Variants in LUZP2 observed in about 807,000 individuals in gnomAD.
LUZP2 encodes the protein leucine zipper protein 2.
LUZP2 carries 52 observed loss-of-function variants against 51.6 expected under a neutral mutation model. That is an observed-to-expected ratio of 1.01 (90% CI 0.81 to 1.27). The LOEUF is 1.27. LUZP2 is among the 50% of genes most tolerant of loss of function. The pLI is 0.00. For missense variants in LUZP2, 436 were observed against 395.4 expected (o/e 1.10, Z -0.87); for synonymous variants, 154 against 137.3 (o/e 1.12, Z -0.85).
Position 24,931,249 on chromosome 11 carries a change from TAAA to T in LUZP2, c.522+16713_522+16715del, listed in dbSNP as rs1854441768. Among the ~76,000 whole-genome samples, 14 of 149,680 alleles carry T rather than the reference TAAA, an allele frequency of 9.4e-5. No individual in the cohort carries two copies. In the South Asian group the frequency reaches 3.0e-3, roughly 32 times the overall value. On this transcript the variant is annotated intron_variant, in intron 7 of 11. Coordinates refer to ENST00000336930, the MANE Select transcript of LUZP2 (RefSeq NM_001009909.4). ...TAAAATAAAATAAAATAAAATAAAA[TAAA>T]ATAAAATAAAATAAAATAAAAAGTT...
At chr11:24,554,044 G>A (rs919752652) in intron 1 of LUZP2, among the ~76,000 whole-genome samples, 1 of 152,134 alleles carries the variant, frequency 6.6e-6, no homozygotes, top group Non-Finnish European at 1.5e-5. Context: ...CTGAAGACTG[G>A]GAGTTTGATA....
intron 1 of LUZP2, among the ~76,000 whole-genome samples, chr11:24,685,277 C>T (rs1327132307): frequency 1.3e-5 from 2 of 152,100 alleles, no homozygotes; most frequent in African/African-American, 4.8e-5. Context: ...GCACTTTGCA[C>T]ATTACAGATT....
At chr11:24,978,817 G>C (rs1855949275) in intron 8 of LUZP2, among the ~76,000 whole-genome samples, 1 of 151,696 alleles carries the variant, frequency 6.6e-6, no homozygotes, top group Non-Finnish European at 1.5e-5. Flanking sequence ...ACTGGAATTT[G>C]GCCTGAGTCA....
chr11:24,822,643 A>AT (rs1850395021), intron 5 of LUZP2, among the ~76,000 whole-genome samples: 1 of 151,950 alleles, frequency 6.6e-6, no homozygotes, highest in Non-Finnish European at 1.5e-5. Context: ...TCGTGGATGA[A>AT]TTTTTTGTCC....
At chr11:24,845,483 T>C (rs976642215) in intron 5 of LUZP2, among the ~76,000 whole-genome samples, 1 of 152,184 alleles carries the variant, frequency 6.6e-6, no homozygotes, top group Non-Finnish European at 1.5e-5. Context: ...TTTGGGGGAC[T>C]GTTGGGAACA....
intron 1 of LUZP2, among the ~76,000 whole-genome samples, chr11:24,665,511 T>C (rs1457281987): frequency 6.6e-6 from 1 of 152,160 alleles, no homozygotes; most frequent in Non-Finnish European, 1.5e-5. Context: ...AATAATATAC[T>C]TTGGCTATGT....
At chr11:24,638,945 A>C (rs2133941296) in intron 1 of LUZP2, among the ~76,000 whole-genome samples, 1 of 151,876 alleles carries the variant, frequency 6.6e-6, no homozygotes, top group East Asian at 1.9e-4. Flanking sequence ...AGTTAAAAAA[A>C]GATTTTAAAA....
At chr11:24,656,721 A>G (rs1269491976) in intron 1 of LUZP2, among the ~76,000 whole-genome samples, 1 of 152,164 alleles carries the variant, frequency 6.6e-6, no homozygotes, top group East Asian at 1.9e-4. Context: ...TCCTCAGCTT[A>G]AGGCTCCTTT....
At position 25,079,265 on chromosome 11, in the gene LUZP2, C is replaced by G. The variant is rs1309161341; in HGVS notation, c.*607C>G. On this transcript the variant is annotated 3_prime_UTR_variant, in exon 12 of 12. Coordinates refer to ENST00000336930, the MANE Select transcript of LUZP2 (RefSeq NM_001009909.4). ...ATAATTCATTAAGTATGTTTGGCAT[C>G]ATATGGACAAAATATTTGGATGAAT... is the stretch of plus-strand genomic sequence containing the variant. The G allele has an allele frequency of 6.6e-6, 1 of 152,208 alleles. No homozygotes were observed. Among genetic ancestry groups the G allele is most frequent in the Admixed American group, 6.5e-5 (1 of 15,282 alleles). The allele number at this position is 152,208 out of a possible 1,614,324, so 9.4% of individuals were successfully genotyped here.
Position 25,050,024 on chromosome 11 carries a change from TC to T in LUZP2, c.766-13del. 6.6e-7 allele frequency: 1 copy of T among 1,516,098 alleles called. No homozygotes were observed. Among genetic ancestry groups the T allele is most frequent in the Non-Finnish European group, 8.9e-7 (1 of 1,117,436 alleles). 93.9% of individuals were successfully genotyped at this position (1,516,098 alleles called of 1,614,324 possible). ...GTGATTTCTTTCTTTCTATCTCTCT[TC>T]GTCTCTTTTAAGCCTCAACAAAGTG... On this transcript the variant is annotated splice_polypyrimidine_tract_variant and intron_variant, in intron 9 of 11. Transcript: ENST00000336930.
At chr11:24,931,041 T>G (rs1854429695) in intron 7 of LUZP2, among the ~76,000 whole-genome samples, 1 of 151,710 alleles carries the variant, frequency 6.6e-6, no homozygotes, top group Non-Finnish European at 1.5e-5. Context: ...GTGAAACCTG[T>G]CTCTACTAAA....
intron 3 of LUZP2, among the ~76,000 whole-genome samples, chr11:24,733,567 A>C (rs1858803365): frequency 6.6e-6 from 1 of 151,732 alleles, no homozygotes; most frequent in Admixed American, 6.6e-5. Context: ...GAATCTAAAA[A>C]AGTTGATATA....
At position 24,515,273 on chromosome 11, in the gene LUZP2, T is replaced by C. The variant is rs183094526; in HGVS notation, c.62+17968T>C. ...GAGAGAAGTGGTATTCTAGGAATAC[T>C]ACACATCCTCTGTAACTTACTCTCT... On this transcript the variant is annotated intron_variant, in intron 1 of 11. Coordinates refer to ENST00000336930, the MANE Select transcript of LUZP2 (RefSeq NM_001009909.4). 5.0e-3 allele frequency among the ~76,000 whole-genome samples: 765 copies of C among 152,322 alleles called. 7 individuals are homozygous for C. The highest frequency in any genetic ancestry group is 0.017 in the African/African-American group (723 of 41,582).
intron 5 of LUZP2, among the ~76,000 whole-genome samples, chr11:24,812,878 C>T (rs1026214571): frequency 1.3e-5 from 2 of 152,130 alleles, no homozygotes; most frequent in African/African-American, 4.8e-5. Context: ...CTTAAAGATG[C>T]ACATGGAATT....
intron 10 of LUZP2, among the ~76,000 whole-genome samples, 194 bp downstream of exon 10, chr11:25,050,324 C>A (rs1314276537): frequency 1.3e-5 from 1 of 75,574 alleles, no homozygotes; most frequent in Non-Finnish European, 2.5e-5. Context: ...TTTTTTGAGA[C>A]GGAGTCTTGG....
At chr11:24,852,084 T>G (rs2450421) in intron 5 of LUZP2, among the ~76,000 whole-genome samples, 5 of 150,158 alleles carry the variant, frequency 3.3e-5, no homozygotes, top group African/African-American at 7.3e-5. Context: ...CTGATTTTTT[T>G]TAAGATTTTT....
chr11:24,856,295 AAAG>A (rs1851562826), intron 5 of LUZP2, among the ~76,000 whole-genome samples: 1 of 152,132 alleles, frequency 6.6e-6, no homozygotes, highest in African/African-American at 2.4e-5. Flanking sequence ...AGACTTTTTC[AAAG>A]AAGACATACA....
intron 1 of LUZP2, among the ~76,000 whole-genome samples, chr11:24,644,067 C>T (rs1206904701): frequency 6.6e-6 from 1 of 152,142 alleles, no homozygotes; most frequent in Non-Finnish European, 1.5e-5. Context: ...TTAATTGCTT[C>T]TGTAGGTTGA....
intron 1 of LUZP2, among the ~76,000 whole-genome samples, chr11:24,602,947 T>C (rs896680899): frequency 6.6e-6 from 1 of 151,806 alleles, no homozygotes; most frequent in African/African-American, 2.4e-5. Context: ...GGTAGAACAA[T>C]GTAAATGTTT....
Sources: allele counts gnomAD v4.1 joint callset (sites outside exome capture counted in the v4.1 genomes callset), GRCh38; gene constraint gnomAD v4.1.1; transcripts MANE v1.5; gene names NCBI Gene and HGNC (gene_info 2026-07-23, HGNC 2026-07-21).